The following TUBA4A variants were observed in gnomAD, a reference collection of about 807,000 sequenced individuals.
TUBA4A encodes the protein tubulin alpha 4a, also known as tubulin alpha-4A chain.
Under a neutral mutation model 34.3 loss-of-function variants are expected in TUBA4A, and 23 were observed. That is an observed-to-expected ratio of 0.67 (90% CI 0.48 to 0.95). The LOEUF is 0.95. Ranked by LOEUF, TUBA4A falls within the 40% of genes least tolerant of loss-of-function variation. The pLI is 0.00. For synonymous variants in TUBA4A, 216 were observed against 230.5 expected (o/e 0.94, Z 0.57); for missense variants, 279 against 599.0 (o/e 0.47, Z 5.58).
chr2:219,250,602 C>T lies in TUBA4A; in HGVS notation c.1097G>A (p.Gly366Asp), dbSNP rs1365558583. 6.2e-7 allele frequency: 1 copy of T among 1,614,240 alleles called. No homozygotes were observed. The highest frequency in any genetic ancestry group is 1.3e-5 in the African/African-American group (1 of 75,058). Residue 366 changes from glycine to aspartate, a missense_variant, in exon 4 of 4, where the codon GGT (glycine) becomes GAT (aspartate). Gly to Asp is a moderately conservative substitution (Grantham distance 94). This residue lies in a region of TUBA4A where 73 missense variants were observed against 128.0 expected (regional missense o/e 0.57). Transcript: ENST00000248437. The surrounding 1 kb of genome is among the most constrained non-coding windows in gnomAD (Gnocchi z 8.4). ...NYQPPTVVPG[G>D]DLAKVQRAVC... ...GGCACGCTGCACCTTGGCCAGGTCA[C>T]CCCCAGGCACCACAGTGGGAGGCTG...
chr2:219,253,942 C>CT, upstream of TUBA4A: 1 of 1,017,242 alleles, frequency 9.8e-7, no homozygotes, highest in Non-Finnish European at 1.3e-6. Flanking sequence ...CCGCACCGCC[C>CT]TTATAGGCGG....
In TUBA4A at chr2:219,252,211, T is replaced by G; in HGVS notation, c.23A>C (p.His8Pro). 1 of 1,613,954 alleles carries G rather than the reference T, an allele frequency of 6.2e-7. No homozygotes were observed. Among genetic ancestry groups the G allele is most frequent in the Non-Finnish European group, 8.5e-7 (1 of 1,179,852 alleles). The change falls in exon 2 of 4, where the codon CAC becomes CCC. Residue 8 changes from histidine to proline, a missense_variant. Around this residue, in one of 3 missense-constraint regions of TUBA4A, gnomAD observed 98 missense variants for 171.1 expected, o/e 0.57. Coordinates refer to ENST00000248437, the MANE Select transcript of TUBA4A (RefSeq NM_006000.3). This position sits in a 1 kb window ranked among gnomAD's most constrained non-coding sequence, Gnocchi z 4.1. MRECISV[H>P]VGQAGVQMGN... ...CATCTGGACACCTGCCTGCCCCACG[T>G]GGACTGAGATGCATTCACGCTGAGG...
At chr2:219,254,037 C>T, upstream of TUBA4A, 3 of 557,366 alleles carry the variant, frequency 5.4e-6, no homozygotes, top group Non-Finnish European at 8.9e-6. Flanking sequence ...GTAAGCGGCC[C>T]CCCCGAGGGG....
rs371557574 is a variant in TUBA4A at position 219,250,108 on chromosome 2, C to T, written c.*244G>A. On this transcript the variant is annotated 3_prime_UTR_variant, in exon 4 of 4. Transcript: ENST00000248437. The surrounding 1 kb of genome is among the most constrained non-coding windows in gnomAD (Gnocchi z 8.4). ...TCATTTCCTCCCTATACTGAGTAAC[C>T]CTAGGACTTCAATTTAAAGTCCCTG... 8.9e-5 allele frequency: 52 copies of T among 582,794 alleles called. No individual in the cohort carries two copies. The highest frequency in any genetic ancestry group is 8.5e-4 in the African/African-American group (46 of 53,896). 36.1% of individuals were successfully genotyped at this position (582,794 alleles called of 1,614,324 possible). A position where few individuals can be genotyped will look rare whatever the true frequency, so the allele number is the denominator to read the frequency against.
rs1559275953 is a variant in TUBA4A, at chr2:219,250,736, T to C, written c.963A>G (p.Gly321=). Residue 321 remains glycine (G), a synonymous_variant, in exon 4 of 4, where the codon GGA becomes GGG. Coordinates refer to ENST00000248437, the MANE Select transcript of TUBA4A (RefSeq NM_006000.3). The surrounding 1 kb of genome is among the most constrained non-coding windows in gnomAD (Gnocchi z 8.4). ...CGTTGACATCCTTGGGCACCACATC[T>C]CCACGGTACAGCAGGCAGCAGGCCA... ...KYMACCLLYR[G]DVVPKDVNAA... 1 of 1,614,168 alleles carries C rather than the reference T, an allele frequency of 6.2e-7. No homozygotes were observed.
chr2:219,251,486 C>T lies in TUBA4A; in HGVS notation c.375+79G>A. 6.4e-7 allele frequency: 1 copy of T among 1,561,074 alleles called. No homozygotes were observed. The highest frequency in any genetic ancestry group is 1.7e-4 in the Middle Eastern group (1 of 5,794). ...ACCATGTATAGTTAGAGATGACCTC[C>T]TGAAAGGATCTGAAAAAAAATATTC... On this transcript the variant is annotated intron_variant, in intron 3 of 3. Coordinates refer to ENST00000248437, the MANE Select transcript of TUBA4A (RefSeq NM_006000.3). This position sits in a 1 kb window ranked among gnomAD's most constrained non-coding sequence, Gnocchi z 6.1.
rs759381958 is a variant in TUBA4A, at chr2:219,251,358, A to G, written c.376-35T>C. The G allele has an allele frequency of 3.8e-6, 6 of 1,568,108 alleles. No individual in the cohort carries two copies. The South Asian group carries it at 6.0e-5, about 16-fold the overall frequency. The stretch of plus-strand genomic sequence containing the variant: ...AAGAACGAGAAAGAACAGTTTAGGT[A>G]GGGGAGGGGCCTGAGGGACTCTATC... On this transcript the variant is annotated intron_variant, in intron 3 of 3. Transcript: ENST00000248437. The surrounding 1 kb of genome is among the most constrained non-coding windows in gnomAD (Gnocchi z 6.1).
chr2:219,254,556 C>T (rs946192911), upstream of TUBA4A: 3 of 152,308 alleles, frequency 2.0e-5, no homozygotes. Context: ...CGGGGCCGAC[C>T]CCGGAATCTG....
At position 219,252,371 on chromosome 2, in the gene TUBA4A, G is replaced by T; in HGVS notation, c.4-141C>A. On this transcript the variant is annotated intron_variant, in intron 1 of 3. Coordinates refer to ENST00000248437, the MANE Select transcript of TUBA4A (RefSeq NM_006000.3). This position sits in a 1 kb window ranked among gnomAD's most constrained non-coding sequence, Gnocchi z 4.1. ...GAGGGTTGGGGCTGGGCAGAGGTGA[G>T]AAGAGAGTAGCAGCCTGCCCGGGCT... The T allele has an allele frequency of 1.2e-6, 1 of 838,140 alleles. No individual in the cohort carries two copies. The highest frequency in any genetic ancestry group is 1.9e-6 in the Non-Finnish European group (1 of 540,228). The allele number at this position is 838,140 out of a possible 1,614,324, so 51.9% of individuals were successfully genotyped here.
Position 219,253,436 on chromosome 2 carries a change from C to T in TUBA4A, c.3+420G>A. On this transcript the variant is annotated intron_variant, in intron 1 of 3. Coordinates refer to ENST00000248437, the MANE Select transcript of TUBA4A (RefSeq NM_006000.3). ...CGGCACCAGGTAACCTGACCCCTTC[C>T]ACCTTCTAGCGCCAAGCACGTGCTC... 2.0e-6 allele frequency: 3 copies of T among 1,501,082 alleles called. No individual in the cohort carries two copies. The South Asian group carries it at 3.6e-5, about 18-fold the overall frequency. The allele number at this position is 1,501,082 out of a possible 1,614,324, so 93.0% of individuals were successfully genotyped here.
Position 219,250,294 on chromosome 2 carries a change from CTGTT to C in TUBA4A, c.*54_*57del, listed in dbSNP as rs1951624094. ...GGGAACAAGAAACCGTGCAAGGAAA[CTGTT>C]TATTTCGAAAGGATTTTGCAATAAA... On this transcript the variant is annotated 3_prime_UTR_variant, in exon 4 of 4. Coordinates refer to ENST00000248437, the MANE Select transcript of TUBA4A (RefSeq NM_006000.3). This position sits in a 1 kb window ranked among gnomAD's most constrained non-coding sequence, Gnocchi z 8.4. 2.6e-6 allele frequency: 4 copies of C among 1,546,742 alleles called. No individual in the cohort carries two copies. The highest frequency in any genetic ancestry group is 1.7e-6 in the Non-Finnish European group (2 of 1,146,622).
upstream of TUBA4A, chr2:219,254,409 C>G (rs1464825296): frequency 6.6e-6 from 1 of 152,490 alleles, no homozygotes; most frequent in Non-Finnish European, 1.5e-5. Flanking sequence ...CTGCCTGACG[C>G]TTCCTGGTCC....
chr2:219,253,986 A>T, upstream of TUBA4A: 1 of 1,045,274 alleles, frequency 9.6e-7, no homozygotes, highest in Non-Finnish European at 1.3e-6. Context: ...CCGCTCGCCC[A>T]CTAGAGGCTG....
rs1951667229 is a variant in TUBA4A at position 219,252,622 on chromosome 2, A to T, written c.4-392T>A. ...AACCCTTTCCCTCTTTCTTTCCTGTAAGCTGCAGAGGTGTCTCAGCCATCC... is the reference window on the plus strand; with the variant it reads ...AACCCTTTCCCTCTTTCTTTCCTGTTAGCTGCAGAGGTGTCTCAGCCATCC... On this transcript the variant is annotated intron_variant, in intron 1 of 3. Transcript: ENST00000248437. This position sits in a 1 kb window ranked among gnomAD's most constrained non-coding sequence, Gnocchi z 4.1. Among the ~76,000 whole-genome samples, 1 of 150,258 alleles carries T rather than the reference A, an allele frequency of 6.7e-6. No individual in the cohort carries two copies. Among genetic ancestry groups the T allele is most frequent in the Non-Finnish European group, 1.5e-5 (1 of 67,756 alleles).
Position 219,253,905 on chromosome 2 carries a change from T to C in TUBA4A, c.-47A>G. 7.1e-7 allele frequency: 1 copy of C among 1,400,582 alleles called. No homozygotes were observed. 86.8% of individuals were successfully genotyped at this position (1,400,582 alleles called of 1,614,324 possible). ...TCACGTTGAGTCGGGGTGACAGGTC[T>C]CAGTGAGAACTGCGCTAGCTGCAGT... On this transcript the variant is annotated 5_prime_UTR_variant, in exon 1 of 4. Coordinates refer to ENST00000248437, the MANE Select transcript of TUBA4A (RefSeq NM_006000.3).
At chr2:219,253,253 A>G in intron 1 of TUBA4A, 1 of 1,493,854 alleles carries the variant, frequency 6.7e-7, no homozygotes. Flanking sequence ...GTCTCTGCCC[A>G]TCCGCGCACC....
chr2:219,252,713 G>T lies in TUBA4A; in HGVS notation c.4-483C>A. 4.4e-6 allele frequency: 2 copies of T among 455,356 alleles called. No homozygotes were observed. Among genetic ancestry groups the T allele is most frequent in the Non-Finnish European group, 4.6e-6 (1 of 216,206 alleles). 28.2% of individuals were successfully genotyped at this position (455,356 alleles called of 1,614,324 possible). On this transcript the variant is annotated intron_variant, in intron 1 of 3. Coordinates refer to ENST00000248437, the MANE Select transcript of TUBA4A (RefSeq NM_006000.3). The surrounding 1 kb of genome is among the most constrained non-coding windows in gnomAD (Gnocchi z 4.1). ...CTCCCTCACCTTTAAATCCCATCTG[G>T]CTCTGGGGATCAATCCCATCTGGCT...
Position 219,250,092 on chromosome 2 carries a change from C to A in TUBA4A, c.*260G>T. 2.0e-6 allele frequency: 1 copy of A among 510,422 alleles called. No individual in the cohort carries two copies. The highest frequency in any genetic ancestry group is 3.5e-6 in the Non-Finnish European group (1 of 286,848). 31.6% of individuals were successfully genotyped at this position (510,422 alleles called of 1,614,324 possible). A position where few individuals can be genotyped will look rare whatever the true frequency, so the allele number is the denominator to read the frequency against. On this transcript the variant is annotated 3_prime_UTR_variant, in exon 4 of 4. Coordinates refer to ENST00000248437, the MANE Select transcript of TUBA4A (RefSeq NM_006000.3). The surrounding 1 kb of genome is among the most constrained non-coding windows in gnomAD (Gnocchi z 8.4). ...GCCTGGATTTTGGTCCTCATTTCCT[C>A]CCTATACTGAGTAACCCTAGGACTT...
rs1390064759 is a variant in TUBA4A at position 219,252,846 on chromosome 2, G to A, written c.4-616C>T. 1.1e-5 allele frequency: 5 copies of A among 472,194 alleles called. No individual in the cohort carries two copies. The highest frequency in any genetic ancestry group is 2.2e-5 in the Non-Finnish European group (5 of 227,954). 29.3% of individuals were successfully genotyped at this position (472,194 alleles called of 1,614,324 possible). On this transcript the variant is annotated intron_variant, in intron 1 of 3. Coordinates refer to ENST00000248437, the MANE Select transcript of TUBA4A (RefSeq NM_006000.3). This position sits in a 1 kb window ranked among gnomAD's most constrained non-coding sequence, Gnocchi z 4.1. The stretch of plus-strand genomic sequence containing the variant: ...TAATGCTTGTAAGCTCAGACAGCAG[G>A]GGCCAGCAATAAGGTTTGAGGGTAC...
Sources: gnomAD v4.1 joint callset for allele counts (sites outside exome capture counted in the v4.1 genomes callset) on GRCh38, gnomAD v4.1.1 for gene constraint, gnomAD v4.1.1 regional missense constraint, Gnocchi (gnomAD v3.1) non-coding constraint, MANE v1.5 for transcripts, NCBI Gene and HGNC (gene_info 2026-07-23, HGNC 2026-07-21) for gene names.